CRYBA4: variants seen among roughly 807,000 people sequenced by gnomAD.
CRYBA4 encodes crystallin beta A4, also known as beta-crystallin A4.
CRYBA4 carries 30 observed loss-of-function variants against 31.7 expected under a neutral mutation model. The observed-to-expected ratio is 0.95, with a 90% CI of 0.71 to 1.28. CRYBA4 has a LOEUF of 1.28. Ranked by LOEUF, CRYBA4 falls within the 50% of genes most tolerant of loss-of-function variation. The probability of loss-of-function intolerance (pLI) is 0.00; values close to 1 mark genes in which losing one functional copy is unlikely to be tolerated. For missense variants in CRYBA4, 225 were observed against 260.7 expected, an observed-to-expected ratio of 0.86 and a Z score of 0.94; for synonymous variants, 102 against 102.3, an observed-to-expected ratio of 1.00 and a Z score of 0.02.
At chr22:26,619,979 TA>T (rs1174937733), upstream of CRYBA4, among the ~76,000 whole-genome samples, 1 of 150,708 alleles carries the variant, frequency 6.6e-6, no homozygotes, top group African/African-American at 2.4e-5. Context: ...GGAGCCAATT[TA>T]TTTTCTTTTC....
the CRYBA4 span, chr22:26,612,102 C>G: frequency 6.2e-7 from 1 of 1,613,490 alleles, no homozygotes; most frequent in Non-Finnish European, 8.5e-7. Flanking sequence ...GCTGCGCACA[C>G]GGTCGAAGCC....
Position 26,623,328 on chromosome 22 carries a change from G to T in CRYBA4, c.134G>T (p.Arg45Leu), listed in dbSNP as rs773249225. ...CTGGAGCTTGGCTTCGAGACTGTGC[G>T]ATCTTTGAAAGTGCTGAGTGGAGCG... Reference protein sequence around the residue: ...SVLELGFETVRSLKVLSGAWV... With the variant: ...SVLELGFETVLSLKVLSGAWV... Residue 45 changes from arginine to leucine, a missense_variant, in exon 3 of 6, where the codon CGA (arginine) becomes CTA (leucine). Transcript: ENST00000354760. 1 of 1,614,048 alleles carries T rather than the reference G, an allele frequency of 6.2e-7. No individual in the cohort carries two copies. Among genetic ancestry groups the T allele is most frequent in the Non-Finnish European group, 8.5e-7 (1 of 1,179,968 alleles).
intron 5 of CRYBA4, 60 bp downstream of exon 5, chr22:26,628,490 C>T: frequency 6.3e-7 from 1 of 1,597,206 alleles, no homozygotes; most frequent in Middle Eastern, 1.8e-4. Flanking sequence ...GTAGGTGTAC[C>T]TCCTGTGAAA....
chr22:26,616,457 A>G, the CRYBA4 span: 1 of 726,148 alleles, frequency 1.4e-6, no homozygotes, highest in East Asian at 2.7e-5. Flanking sequence ...TCCTTCTGAA[A>G]CGGTTAAGCC....
the CRYBA4 span, chr22:26,616,100 G>A: frequency 6.5e-7 from 1 of 1,529,272 alleles, no homozygotes; most frequent in Non-Finnish European, 9.1e-7. Flanking sequence ...AGGAAGGAAA[G>A]AAGGCATGGC....
At chr22:26,623,175 C>A (rs996817801) in intron 2 of CRYBA4, 59 bp from the exon 3 acceptor site, 3 of 1,421,682 alleles carry the variant, frequency 2.1e-6, no homozygotes, top group Non-Finnish European at 3.0e-6. Flanking sequence ...GAGCCCCCAA[C>A]CTCTCACCCT....
At chr22:26,599,153 T>C in the CRYBA4 span, 7 of 340,248 alleles carry the variant, frequency 2.1e-5, no homozygotes, top group Admixed American at 2.2e-4. Context: ...CTAGTATCCT[T>C]GGACAGCATC....
chr22:26,605,045 T>C, the CRYBA4 span, among the ~76,000 whole-genome samples: 3 of 152,164 alleles, frequency 2.0e-5, no homozygotes, highest in African/African-American at 7.2e-5. Context: ...ATCGTTGCTC[T>C]AGGAGTTTTG....
Position 26,630,424 on chromosome 22 carries a change from C to T in CRYBA4, c.528C>T (p.Phe176=). The T allele has an allele frequency of 6.2e-7, 1 of 1,614,176 alleles. No individual in the cohort carries two copies. The highest frequency in any genetic ancestry group is 8.5e-7 in the Non-Finnish European group (1 of 1,180,034). ...CDHHSGDYKH[F]REWGSHAPTF... ...ACCATTCCGGTGACTACAAACATTT[C>T]CGGGAGTGGGGCTCTCATGCCCCGA... The change falls in exon 6 of 6, where the codon TTC becomes TTT. Residue 176 remains phenylalanine (F), a synonymous_variant. Coordinates refer to ENST00000354760, the MANE Select transcript of CRYBA4 (RefSeq NM_001886.3).
rs1200777567 is a variant in CRYBA4, at chr22:26,628,371, C to T, written c.384C>T (p.Ser128=). The change falls in exon 5 of 6, where the codon TCC becomes TCT. Residue 128 remains serine (S), a synonymous_variant. Coordinates refer to ENST00000354760, the MANE Select transcript of CRYBA4 (RefSeq NM_001886.3). ...KKGELSDDYP[S]LQAMGWEGNE... is the part of the protein sequence containing the mutation. ...GAGAGCTGAGCGATGACTATCCTTCCCTCCAGGCCATGGGATGGGAAGGCA... is the reference window on the plus strand; with the variant it reads ...GAGAGCTGAGCGATGACTATCCTTCTCTCCAGGCCATGGGATGGGAAGGCA... 1.9e-6 allele frequency: 3 copies of T among 1,614,072 alleles called. No individual in the cohort carries two copies. The highest frequency in any genetic ancestry group is 3.3e-5 in the Admixed American group (2 of 60,012).
In CRYBA4 at chr22:26,630,339, G is replaced by GCCCT. The variant is rs1569213016; in HGVS notation, c.444_445insCCTC (p.Trp149ProfsTer25). The GCCCT allele has an allele frequency of 6.2e-7, 1 of 1,614,138 alleles. No homozygotes were observed. On this transcript the variant is annotated frameshift_variant and splice_region_variant. Coordinates refer to ENST00000354760, the MANE Select transcript of CRYBA4 (RefSeq NM_001886.3). LOFTEE classifies it high-confidence loss of function. ...AACTGTCTGCCTTTTCTCTTTTCCA[G>GCCCT]CTGGGTTTGCTCCCAGTTTCCGGGC... is the stretch of plus-strand genomic sequence containing the variant.
the CRYBA4 span, among the ~76,000 whole-genome samples, chr22:26,597,803 C>T: frequency 6.6e-6 from 1 of 152,180 alleles, no homozygotes; most frequent in Non-Finnish European, 1.5e-5. Flanking sequence ...CTCTTTTCAA[C>T]CTTTATTGAT....
chr22:26,616,469 G>A, the CRYBA4 span: 3 of 684,956 alleles, frequency 4.4e-6, no homozygotes, highest in Non-Finnish European at 7.7e-6. Context: ...GGTTAAGCCT[G>A]GAAGTTTTTC....
the CRYBA4 span, among the ~76,000 whole-genome samples, chr22:26,594,187 C>T: frequency 2.0e-5 from 3 of 152,172 alleles, no homozygotes; most frequent in Admixed American, 2.0e-4. Flanking sequence ...TTCGTTGATC[C>T]TAAGTATCTG....
chr22:26,616,141 C>A, the CRYBA4 span: 5 of 1,614,002 alleles, frequency 3.1e-6, no homozygotes, highest in Non-Finnish European at 4.2e-6. Context: ...GGTCCTTACC[C>A]TGTAGTTCCC....
At chr22:26,617,430 C>A (rs1358062488), upstream of CRYBA4, among the ~76,000 whole-genome samples, 1 of 152,206 alleles carries the variant, frequency 6.6e-6, no homozygotes, top group Non-Finnish European at 1.5e-5. Context: ...CATCCCTCCC[C>A]CAGCCTCCTC....
chr22:26,602,590 CAA>C, the CRYBA4 span, among the ~76,000 whole-genome samples: 36 of 132,152 alleles, frequency 2.7e-4, no homozygotes, highest in Middle Eastern at 3.9e-3. Flanking sequence ...GACCCTGTCT[CAA>C]AAAAAAAAAA....
At chr22:26,614,119 A>G in the CRYBA4 span, among the ~76,000 whole-genome samples, 1 of 152,312 alleles carries the variant, frequency 6.6e-6, no homozygotes, top group Non-Finnish European at 1.5e-5. Flanking sequence ...AATGGTGCCC[A>G]AAACTTCATT....
At chr22:26,615,409 C>T in the CRYBA4 span, among the ~76,000 whole-genome samples, 15 of 152,250 alleles carry the variant, frequency 9.9e-5, no homozygotes, top group Admixed American at 2.0e-4. Context: ...TAAGCATGTG[C>T]GTGTGCAGGT....
Sources: allele counts gnomAD v4.1 joint callset (sites outside exome capture counted in the v4.1 genomes callset), GRCh38; gene constraint gnomAD v4.1.1; transcripts MANE v1.5; gene names NCBI Gene and HGNC (gene_info 2026-07-23, HGNC 2026-07-21).